Variants in ADAMTSL1 observed in about 807,000 individuals in gnomAD.
The protein encoded by ADAMTSL1 is ADAMTS-like protein 1.
In ADAMTSL1, 126 loss-of-function variants were observed where a neutral mutation model predicts 201.8. That is an observed-to-expected ratio of 0.62 (90% CI 0.54 to 0.72). ADAMTSL1 has a LOEUF of 0.72. ADAMTSL1 is among the 30% of genes least tolerant of loss of function. The pLI is 0.00. For synonymous variants in ADAMTSL1, 1,121 were observed against 903.4 expected (o/e 1.24, Z -4.32); for missense variants, 2,679 against 2,277.8 (o/e 1.18, Z -3.59).
intron 2 of ADAMTSL1, among the ~76,000 whole-genome samples, chr9:18,312,902 C>T (rs773811305): frequency 2.0e-4 from 30 of 152,308 alleles, no homozygotes; most frequent in Non-Finnish European, 3.7e-4. Flanking sequence ...GCCAGTAACG[C>T]ATGCACTTCT....
intron 23 of ADAMTSL1, among the ~76,000 whole-genome samples, chr9:18,886,209 T>TACAC (rs1425355028): frequency 1.3e-4 from 15 of 118,038 alleles, no homozygotes; most frequent in African/African-American, 5.7e-4. Flanking sequence ...TATATATATA[T>TACAC]ATACACACAC....
At chr9:18,513,647 T>C (rs36013602) in intron 2 of ADAMTSL1, among the ~76,000 whole-genome samples, 13,362 of 152,280 alleles carry the variant, frequency 0.088, 786 homozygotes, top group Non-Finnish European at 0.13. Context: ...AAGTCTATAG[T>C]CCATTTTGAG....
intron 2 of ADAMTSL1, among the ~76,000 whole-genome samples, chr9:18,417,378 A>AG (rs1485576009): frequency 6.7e-6 from 1 of 149,192 alleles, no homozygotes; most frequent in Middle Eastern, 3.4e-3. Flanking sequence ...AAAAAAAAAA[A>AG]AAAGAAAAAA....
intron 17 of ADAMTSL1, among the ~76,000 whole-genome samples, chr9:18,772,998 G>C (rs892440472): frequency 2.0e-5 from 3 of 152,174 alleles, no homozygotes; most frequent in African/African-American, 7.2e-5. Flanking sequence ...ACTCAAACTG[G>C]TGCCATATTG....
At chr9:18,750,477 A>G (rs926411152) in intron 15 of ADAMTSL1, among the ~76,000 whole-genome samples, 15 of 152,208 alleles carry the variant, frequency 9.9e-5, no homozygotes, top group Non-Finnish European at 2.1e-4. Flanking sequence ...ATTGCTTTAT[A>G]TAATCTTGTG....
intron 2 of ADAMTSL1, among the ~76,000 whole-genome samples, chr9:18,284,937 A>G (rs1005055215): frequency 2.6e-5 from 4 of 152,074 alleles, no homozygotes; most frequent in African/African-American, 9.7e-5. Flanking sequence ...TGTTTAATCA[A>G]TCTAAGACTA....
intron 4 of ADAMTSL1, among the ~76,000 whole-genome samples, chr9:18,582,012 G>A (rs774597448): frequency 6.6e-5 from 10 of 152,156 alleles, no homozygotes; most frequent in East Asian, 1.9e-4. Context: ...CAGAAATCAC[G>A]TCAGTCTTTC....
At chr9:18,175,393 G>A (rs1828097356) in intron 2 of ADAMTSL1, among the ~76,000 whole-genome samples, 1 of 152,030 alleles carries the variant, frequency 6.6e-6, no homozygotes, top group African/African-American at 2.4e-5. Context: ...ATATAATATT[G>A]GTAACGATTA....
intron 1 of ADAMTSL1, among the ~76,000 whole-genome samples, chr9:18,027,495 TG>T (rs1820754274): frequency 6.6e-6 from 1 of 151,970 alleles, no homozygotes; most frequent in African/African-American, 2.4e-5. Context: ...AGGATCAAGT[TG>T]TTTAGTTTCC....
At chr9:18,138,060 T>G (rs569002469) in intron 1 of ADAMTSL1, among the ~76,000 whole-genome samples, 18 of 152,254 alleles carry the variant, frequency 1.2e-4, no homozygotes, top group African/African-American at 4.3e-4. Flanking sequence ...CAGGGTTTGA[T>G]TCCCTGCTAT....
At chr9:18,054,981 C>A (rs918618154) in intron 1 of ADAMTSL1, among the ~76,000 whole-genome samples, 66 of 152,260 alleles carry the variant, frequency 4.3e-4, no homozygotes, top group African/African-American at 1.6e-3. Context: ...TGCTCCCTTC[C>A]CCAGCCGGTG....
At chr9:18,658,514 C>T (rs577792145) in intron 8 of ADAMTSL1, among the ~76,000 whole-genome samples, 3 of 152,272 alleles carry the variant, frequency 2.0e-5, no homozygotes, top group South Asian at 4.1e-4. Context: ...GACTTAGGCT[C>T]AGTTATTTTT....
At chr9:18,899,521 G>A (rs1829872503) in intron 26 of ADAMTSL1, among the ~76,000 whole-genome samples, 3 of 152,158 alleles carry the variant, frequency 2.0e-5, no homozygotes, top group Admixed American at 6.5e-5. Flanking sequence ...CAGAGCTGGA[G>A]GCATCACACT....
At chr9:18,681,705 G>GGGGT in intron 11 of ADAMTSL1, 107 bp from the exon 12 acceptor site, 1 of 721,092 alleles carries the variant, frequency 1.4e-6, no homozygotes. Flanking sequence ...TGTGGGGGGG[G>GGGGT]GGGGCGGGGA....
intron 17 of ADAMTSL1, among the ~76,000 whole-genome samples, chr9:18,773,157 G>C (rs1820790459): frequency 6.6e-6 from 1 of 152,154 alleles, no homozygotes; most frequent in African/African-American, 2.4e-5. Flanking sequence ...TGATCTATGG[G>C]TGTTTTTCAT....
intron 2 of ADAMTSL1, among the ~76,000 whole-genome samples, chr9:18,385,286 C>A (rs1297268047): frequency 6.6e-6 from 1 of 152,044 alleles, no homozygotes; most frequent in Non-Finnish European, 1.5e-5. Flanking sequence ...GCTTTATGAT[C>A]CACCCAGATT....
At chr9:18,248,526 C>T (rs1831346958) in intron 2 of ADAMTSL1, among the ~76,000 whole-genome samples, 1 of 151,824 alleles carries the variant, frequency 6.6e-6, no homozygotes, top group Non-Finnish European at 1.5e-5. Flanking sequence ...GACAGTGGTG[C>T]CCTGTAGTGT....
chr9:18,112,944 T>A (rs907508573), intron 1 of ADAMTSL1, among the ~76,000 whole-genome samples: 4 of 152,144 alleles, frequency 2.6e-5, no homozygotes, highest in Admixed American at 6.6e-5. Context: ...GGCTTGAACT[T>A]GTACAGTCAA....
chr9:18,908,960 C>A lies in ADAMTSL1; in HGVS notation c.*412C>A, dbSNP rs760398039. ...CAAATTCCTGTGTCTTTCCTAGAAG[C>A]GCACTATCACAAACACAGGAGTGTT... is the stretch of plus-strand genomic sequence containing the variant. On this transcript the variant is annotated 3_prime_UTR_variant, in exon 29 of 29. Coordinates refer to ENST00000380548, the MANE Select transcript of ADAMTSL1 (RefSeq NM_001040272.6). 1 of 169,820 alleles carries A rather than the reference C, an allele frequency of 5.9e-6. No homozygotes were observed. The highest frequency in any genetic ancestry group is 5.5e-5 in the Admixed American group (1 of 18,146). 10.5% of individuals were successfully genotyped at this position (169,820 alleles called of 1,614,324 possible). A position where few individuals can be genotyped will look rare whatever the true frequency, so the allele number is the denominator to read the frequency against.
Sources: gnomAD v4.1 joint callset for allele counts (sites outside exome capture counted in the v4.1 genomes callset) on GRCh38, gnomAD v4.1.1 for gene constraint, MANE v1.5 for transcripts, NCBI Gene and HGNC (gene_info 2026-07-23, HGNC 2026-07-21) for gene names.